HLA-DPB1: variants seen among roughly 807,000 people sequenced by gnomAD.
HLA-DPB1 encodes the protein major histocompatibility complex, class II, DP beta 1, also known as HLA class II histocompatibility antigen, DP beta 1 chain.
A neutral mutation model predicts 29.4 loss-of-function variants in HLA-DPB1; 30 were observed. The observed-to-expected ratio is 1.02, with a 90% CI of 0.76 to 1.38. HLA-DPB1 has a LOEUF of 1.38. HLA-DPB1 is among the 40% of genes most tolerant of loss of function. The pLI, the probability that HLA-DPB1 is intolerant of heterozygous loss-of-function variation, is 0.00. For synonymous variants in HLA-DPB1, 114 were observed against 134.0 expected, an observed-to-expected ratio of 0.85 and a Z score of 1.03; for missense variants, 261 against 327.5, an observed-to-expected ratio of 0.80 and a Z score of 1.57.
rs1363707017 is a variant in HLA-DPB1 at position 33,085,900 on chromosome 6, C to T, written c.757+11C>T. Reference sequence around the variant, plus strand: ...GGAGGAGCAAGAAAGGTGAGAAAGCCTGCAGGGTGAGCGGGACTTACCTTC... The same window carrying T: ...GGAGGAGCAAGAAAGGTGAGAAAGCTTGCAGGGTGAGCGGGACTTACCTTC... On this transcript the variant is annotated intron_variant, in intron 4 of 5. Coordinates refer to ENST00000418931, the MANE Select transcript of HLA-DPB1 (RefSeq NM_002121.6). The T allele has an allele frequency of 1.9e-6, 3 of 1,571,422 alleles. No individual in the cohort carries two copies. The highest frequency in any genetic ancestry group is 2.6e-6 in the Non-Finnish European group (3 of 1,143,196).
At chr6:33,079,450 C>T (rs1015005188) in intron 1 of HLA-DPB1, 1 of 244,114 alleles carries the variant, frequency 4.1e-6, no homozygotes, top group African/African-American at 2.3e-5. Context: ...TCCTCCACAT[C>T]ATGGCCTCCC....
At chr6:33,081,797 C>T (rs376289617) in intron 2 of HLA-DPB1, among the ~76,000 whole-genome samples, 6,025 of 152,070 alleles carry the variant, frequency 0.04, 172 homozygotes, top group African/African-American at 0.083. Context: ...TCAGTTCATT[C>T]GTCTTTTTCC....
rs577903981 is a variant in HLA-DPB1, at chr6:33,080,881, A to G, written c.310A>G (p.Arg104Gly). 4.3e-6 allele frequency: 7 copies of G among 1,611,334 alleles called. No homozygotes were observed. Among genetic ancestry groups the G allele is most frequent in the African/African-American group, 1.3e-5 (1 of 75,036 alleles). Residue 104 changes from arginine (R) to glycine (G), a missense_variant, in exon 2 of 6, where the codon AGG (arginine) becomes GGG (glycine). By Grantham distance (125) the Arg-to-Gly change is moderately radical. Coordinates refer to ENST00000418931, the MANE Select transcript of HLA-DPB1 (RefSeq NM_002121.6). This position sits in a 1 kb window ranked among gnomAD's most constrained non-coding sequence, Gnocchi z 4.3. ...GGAGGAGAAGCGGGCAGTGCCGGAC[A>G]GGATGTGCAGACACAACTACGAGCT... ...ILEEKRAVPD[R>G]MCRHNYELGG...
Position 33,080,502 on chromosome 6 carries a change from G to C in HLA-DPB1, c.101-170G>C. On this transcript the variant is annotated intron_variant, in intron 1 of 5. Coordinates refer to ENST00000418931, the MANE Select transcript of HLA-DPB1 (RefSeq NM_002121.6). The surrounding 1 kb of genome is among the most constrained non-coding windows in gnomAD (Gnocchi z 4.3). ...CGTGGTGAGAAAACAGGCCTGGAGA[G>C]GCTCTGCGACCCGCTTAGGACCACA... is the stretch of plus-strand genomic sequence containing the variant. The C allele has an allele frequency of 1.1e-6, 1 of 905,966 alleles. No individual in the cohort carries two copies. Among genetic ancestry groups the C allele is most frequent in the East Asian group, 2.6e-5 (1 of 38,014 alleles). 56.1% of individuals were successfully genotyped at this position (905,966 alleles called of 1,614,324 possible). A position where few individuals can be genotyped will look rare whatever the true frequency, so the allele number is the denominator to read the frequency against.
chr6:33,081,005 C>A (rs903881599), intron 2 of HLA-DPB1, 70 bp downstream of exon 2: 585 of 1,464,148 alleles, frequency 4.0e-4, no homozygotes, highest in Non-Finnish European at 5.2e-4. Flanking sequence ...GCAGGAGCAG[C>A]CGGGTTGGCC....
Position 33,080,470 on chromosome 6 carries a change from C to A in HLA-DPB1, c.101-202C>A. 1.3e-6 allele frequency: 1 copy of A among 762,112 alleles called. No individual in the cohort carries two copies. The highest frequency in any genetic ancestry group is 2.3e-6 in the Non-Finnish European group (1 of 429,396). 47.2% of individuals were successfully genotyped at this position (762,112 alleles called of 1,614,324 possible). ...GAGCTCATTCTTTTCAGTAAATTCT[C>A]TCTCTGCGTGGTGAGAAAACAGGCC... On this transcript the variant is annotated intron_variant, in intron 1 of 5. Transcript: ENST00000418931. The surrounding 1 kb of genome is among the most constrained non-coding windows in gnomAD (Gnocchi z 4.3).
At chr6:33,078,339 G>T (rs1397277109) in intron 1 of HLA-DPB1, among the ~76,000 whole-genome samples, 1 of 152,092 alleles carries the variant, frequency 6.6e-6, no homozygotes, top group Non-Finnish European at 1.5e-5. Context: ...ATAGGGGAGT[G>T]GGTAAAGTGG....
rs1212237265 is a variant in HLA-DPB1, at chr6:33,086,562, C to T, written c.*28C>T. ...AGGGTTCCTGAGCTCACTGAAAAGA[C>T]TATTGTGCCTTAGGAAAAGCATTTG... On this transcript the variant is annotated 3_prime_UTR_variant, in exon 6 of 6. Coordinates refer to ENST00000418931, the MANE Select transcript of HLA-DPB1 (RefSeq NM_002121.6). 4 of 620,370 alleles carry T rather than the reference C, an allele frequency of 6.4e-6. No individual in the cohort carries two copies. The highest frequency in any genetic ancestry group is 1.9e-5 in the African/African-American group (1 of 52,778). The allele number at this position is 620,370 out of a possible 1,614,324, so 38.4% of individuals were successfully genotyped here.
At position 33,080,708 on chromosome 6, in the gene HLA-DPB1, C is replaced by A; in HGVS notation, c.137C>A (p.Ala46Glu). The A allele has an allele frequency of 2.5e-6, 4 of 1,613,280 alleles. No homozygotes were observed. The South Asian group carries it at 4.4e-5, about 18-fold the overall frequency. The change falls in exon 2 of 6, where the codon GCG (alanine) becomes GAG (glutamate). Residue 46 changes from alanine to glutamate, a missense_variant. Physicochemically the swap from Ala to Glu is moderately radical, Grantham distance 107 (BLOSUM62 -1). Transcript: ENST00000418931. This position sits in a 1 kb window ranked among gnomAD's most constrained non-coding sequence, Gnocchi z 4.3. ...YLFQGRQECYAFNGTQRFLER... is the reference protein window; with the variant it reads ...YLFQGRQECYEFNGTQRFLER... ...TTCCAGGGACGGCAGGAATGCTACG[C>A]GTTTAATGGGACACAGCGCTTCCTG...
chr6:33,080,510 G>T lies in HLA-DPB1; in HGVS notation c.101-162G>T. On this transcript the variant is annotated intron_variant, in intron 1 of 5. Coordinates refer to ENST00000418931, the MANE Select transcript of HLA-DPB1 (RefSeq NM_002121.6). The surrounding 1 kb of genome is among the most constrained non-coding windows in gnomAD (Gnocchi z 4.3). ...GAAAACAGGCCTGGAGAGGCTCTGC[G>T]ACCCGCTTAGGACCACAGAACTCGG... 9.8e-7 allele frequency: 1 copy of T among 1,022,038 alleles called. No individual in the cohort carries two copies. The highest frequency in any genetic ancestry group is 2.6e-5 in the East Asian group (1 of 38,586). 63.3% of individuals were successfully genotyped at this position (1,022,038 alleles called of 1,614,324 possible).
At position 33,080,723 on chromosome 6, in the gene HLA-DPB1, A is replaced by T; in HGVS notation, c.152A>T (p.Gln51Leu). ...GAATGCTACGCGTTTAATGGGACAC[A>T]GCGCTTCCTGGAGAGATACATCTAC... Reference protein sequence around the residue: ...RQECYAFNGTQRFLERYIYNR... With the variant: ...RQECYAFNGTLRFLERYIYNR... The change falls in exon 2 of 6, where the codon CAG (glutamine) becomes CTG (leucine). Residue 51 changes from glutamine to leucine, a missense_variant. By Grantham distance (113) the Gln-to-Leu change is moderately radical. Transcript: ENST00000418931. The surrounding 1 kb of genome is among the most constrained non-coding windows in gnomAD (Gnocchi z 4.3). 1.2e-6 allele frequency: 2 copies of T among 1,613,606 alleles called. No individual in the cohort carries two copies. Among genetic ancestry groups the T allele is most frequent in the Middle Eastern group, 3.3e-4 (2 of 6,062 alleles).
In HLA-DPB1 at chr6:33,076,130, G is replaced by A. The variant is rs755900839; in HGVS notation, c.89G>A (p.Arg30Lys). The A allele has an allele frequency of 3.7e-6, 6 of 1,609,232 alleles. No individual in the cohort carries two copies. In the South Asian group the frequency reaches 6.6e-5, roughly 18 times the overall value. ...CTGCTCACATCTGTGGTCCAGGGCA[G>A]GGCCACTCCAGGTAAGAGCCGAACT... is the stretch of plus-strand genomic sequence containing the variant. The part of the protein sequence containing the change: ...MVLLTSVVQG[R>K]ATPENYLFQG... The change falls in exon 1 of 6, where the codon AGG becomes AAG. Residue 30 changes from arginine to lysine, a missense_variant. Physicochemically the swap from Arg to Lys is conservative, Grantham distance 26. Transcript: ENST00000418931.
At position 33,080,548 on chromosome 6, in the gene HLA-DPB1, T is replaced by C. The variant is rs1161393857; in HGVS notation, c.101-124T>C. 2 of 1,420,544 alleles carry C rather than the reference T, an allele frequency of 1.4e-6. No individual in the cohort carries two copies. Among genetic ancestry groups the C allele is most frequent in the Non-Finnish European group, 2.0e-6 (2 of 1,020,740 alleles). The allele number at this position is 1,420,544 out of a possible 1,614,324, so 88.0% of individuals were successfully genotyped here. A position where few individuals can be genotyped will look rare whatever the true frequency, so the allele number is the denominator to read the frequency against. On this transcript the variant is annotated intron_variant, in intron 1 of 5. Transcript: ENST00000418931. The surrounding 1 kb of genome is among the most constrained non-coding windows in gnomAD (Gnocchi z 4.3). ...CCACAGAACTCGGTACTAGGAAAAC[T>C]CCTATTTTAAAATCCAGCCCTGGGT... is the stretch of plus-strand genomic sequence containing the variant.
At position 33,080,432 on chromosome 6, in the gene HLA-DPB1, A is replaced by C; in HGVS notation, c.101-240A>C. 1.4e-6 allele frequency: 1 copy of C among 700,796 alleles called. No homozygotes were observed. The highest frequency in any genetic ancestry group is 2.6e-6 in the Non-Finnish European group (1 of 379,940). 43.4% of individuals were successfully genotyped at this position (700,796 alleles called of 1,614,324 possible). On this transcript the variant is annotated intron_variant, in intron 1 of 5. Coordinates refer to ENST00000418931, the MANE Select transcript of HLA-DPB1 (RefSeq NM_002121.6). The surrounding 1 kb of genome is among the most constrained non-coding windows in gnomAD (Gnocchi z 4.3). ...CAGTGCTCGCCCCTCCCTAGTGATC[A>C]CTCAGTGCCCCTGAGCTCATTCTTT... is the stretch of plus-strand genomic sequence containing the variant.
rs1337674226 is a variant in HLA-DPB1, at chr6:33,089,228, C to G, written c.*2694C>G. Among the ~76,000 whole-genome samples the G allele has an allele frequency of 6.6e-6, 1 of 152,158 alleles. No individual in the cohort carries two copies. Among genetic ancestry groups the G allele is most frequent in the Non-Finnish European group, 1.5e-5 (1 of 68,030 alleles). On this transcript the variant is annotated 3_prime_UTR_variant, in exon 6 of 6. Transcript: ENST00000418931. The stretch of plus-strand genomic sequence containing the variant: ...GAGCATGTTGCATTGTAAACTGTCC[C>G]TGAAATTACTGTGCACTTGGCTTAT...
chr6:33,086,554 T>C lies in HLA-DPB1; in HGVS notation c.*20T>C, dbSNP rs1126723. 118,808 of 546,534 alleles carry C rather than the reference T, an allele frequency of 0.22. 26,203 individuals carry two copies. The highest frequency in any genetic ancestry group is 0.53 in the African/African-American group (26,328 of 49,850). 33.9% of individuals were successfully genotyped at this position (546,534 alleles called of 1,614,324 possible). On this transcript the variant is annotated 3_prime_UTR_variant, in exon 6 of 6. Transcript: ENST00000418931. ...ACCCCCACAGGGTTCCTGAGCTCAC[T>C]GAAAAGACTATTGTGCCTTAGGAAA...
chr6:33,080,958 C>G lies in HLA-DPB1; in HGVS notation c.364+23C>G, dbSNP rs118134198. ...GAGGTGAGTGAGGGCTTTGGGCCGG[C>G]GGTCCCAGGGCAGCCCCGCGGGCCC... On this transcript the variant is annotated intron_variant, in intron 2 of 5. Coordinates refer to ENST00000418931, the MANE Select transcript of HLA-DPB1 (RefSeq NM_002121.6). The surrounding 1 kb of genome is among the most constrained non-coding windows in gnomAD (Gnocchi z 4.3). 48,829 of 1,557,200 alleles carry G rather than the reference C, an allele frequency of 0.031. 4,419 individuals carry two copies. The East Asian group carries it at 0.41, about 13-fold the overall frequency.
chr6:33,080,336 T>A lies in HLA-DPB1; in HGVS notation c.101-336T>A. The A allele has an allele frequency of 4.0e-6, 2 of 504,422 alleles. No individual in the cohort carries two copies. The highest frequency in any genetic ancestry group is 3.3e-5 in the South Asian group (2 of 61,102). 31.2% of individuals were successfully genotyped at this position (504,422 alleles called of 1,614,324 possible). On this transcript the variant is annotated intron_variant, in intron 1 of 5. Coordinates refer to ENST00000418931, the MANE Select transcript of HLA-DPB1 (RefSeq NM_002121.6). This position sits in a 1 kb window ranked among gnomAD's most constrained non-coding sequence, Gnocchi z 4.3. ...TCCCCAGCTCCTCCCGCCCCTGTTT[T>A]TTCTCCCAGTGACCCCACGTGAAAC...
chr6:33,084,886 AAGG>A, intron 2 of HLA-DPB1, 61 bp from the exon 3 acceptor site: 1 of 818,572 alleles, frequency 1.2e-6, no homozygotes, highest in Non-Finnish European at 1.7e-6. Flanking sequence ...GGAAGGAAGG[AAGG>A]AAGGAAGGAA....
Sources: allele counts gnomAD v4.1 joint callset (sites outside exome capture counted in the v4.1 genomes callset), GRCh38; gene constraint gnomAD v4.1.1; non-coding constraint Gnocchi (gnomAD v3.1); transcripts MANE v1.5; gene names NCBI Gene and HGNC (gene_info 2026-07-23, HGNC 2026-07-21).